SRGAP2C: variants seen among roughly 807,000 people sequenced by gnomAD.
SRGAP2C encodes the protein SLIT-ROBO Rho GTPase activating protein 2C.
In SRGAP2C, 15 loss-of-function variants were observed where a neutral mutation model predicts 25.1. The observed-to-expected ratio is 0.60, with a 90% confidence interval of 0.40 to 0.92. SRGAP2C has a LOEUF of 0.92. Ranked by LOEUF, SRGAP2C falls within the 40% of genes least tolerant of loss-of-function variation. The probability of loss-of-function intolerance (pLI) is 0.00; values close to 1 mark genes in which losing one functional copy is unlikely to be tolerated. For synonymous variants in SRGAP2C, 44 were observed against 96.6 expected (o/e 0.46, Z 3.19); for missense variants, 144 against 264.4 (o/e 0.54, Z 3.16).
In SRGAP2C at chr1:121,388,002, A is replaced by G; in HGVS notation, c.*147A>G. ...CTACACTTAAAGGTGCAAACATTAA[A>G]AGTTGTATATGTCTAACAGGGATCC... On this transcript the variant is annotated 3_prime_UTR_variant, in exon 10 of 10. Coordinates refer to ENST00000367123, the MANE Select transcript of SRGAP2C (RefSeq NM_001329984.2). 1.6e-6 allele frequency: 1 copy of G among 630,010 alleles called. No homozygotes were observed. Among genetic ancestry groups the G allele is most frequent in the South Asian group, 2.0e-5 (1 of 50,680 alleles). 39.0% of individuals were successfully genotyped at this position (630,010 alleles called of 1,614,324 possible). A position where few individuals can be genotyped will look rare whatever the true frequency, so the allele number is the denominator to read the frequency against.
intron 2 of SRGAP2C, among the ~76,000 whole-genome samples, chr1:121,263,374 T>C (rs1192381373): frequency 1.3e-4 from 17 of 128,830 alleles, no homozygotes; most frequent in Non-Finnish European, 2.4e-4. Context: ...GTGCTTGCGG[T>C]GAGCAGAGAT....
chr1:121,310,836 T>C (rs1344657414), intron 3 of SRGAP2C, among the ~76,000 whole-genome samples: 1 of 83,102 alleles, frequency 1.2e-5, no homozygotes, highest in Non-Finnish European at 2.6e-5. Context: ...CCTTGTAGTA[T>C]AGTTTGAAGT....
At chr1:121,258,013 T>G (rs1290002332) in intron 2 of SRGAP2C, among the ~76,000 whole-genome samples, 8 of 148,406 alleles carry the variant, frequency 5.4e-5, no homozygotes, top group Non-Finnish European at 1.0e-4. Flanking sequence ...GAAGGTGGAG[T>G]GAAGAAAATT....
chr1:121,295,361 C>G (rs1343866550), intron 3 of SRGAP2C, among the ~76,000 whole-genome samples: 1 of 151,478 alleles, frequency 6.6e-6, no homozygotes, highest in Non-Finnish European at 1.5e-5. Context: ...TGGTAGTTTG[C>G]TAAATGACAA....
At chr1:121,375,824 C>G (rs2101666465) in intron 7 of SRGAP2C, among the ~76,000 whole-genome samples, 1 of 151,860 alleles carries the variant, frequency 6.6e-6, no homozygotes, top group East Asian at 2.0e-4. Context: ...TAAGGAAGCT[C>G]AAGGTCCAGA....
At chr1:121,199,032 T>C (rs1553321243) in intron 2 of SRGAP2C, among the ~76,000 whole-genome samples, 1 of 152,216 alleles carries the variant, frequency 6.6e-6, no homozygotes. Flanking sequence ...ATAATGATGA[T>C]GATGATGGTT....
At chr1:121,359,292 A>ATT (rs1659129526) in intron 4 of SRGAP2C, among the ~76,000 whole-genome samples, 1 of 107,618 alleles carries the variant, frequency 9.3e-6, no homozygotes, top group South Asian at 3.8e-4. Flanking sequence ...AAACCTGTGT[A>ATT]TAATGACTCA....
chr1:121,347,451 ATTTCTCAACTCCTCCAGAATATTTAGGG>A (rs1658775866), intron 4 of SRGAP2C, among the ~76,000 whole-genome samples: 1 of 141,680 alleles, frequency 7.1e-6, no homozygotes, highest in African/African-American at 2.7e-5. Flanking sequence ...CTAAGAAAAT[ATTTCTCAACTCCTCCAGAATATTTAGGG>A]TTAACTAAAA....
At chr1:121,238,463 A>G (rs1303595125) in intron 2 of SRGAP2C, among the ~76,000 whole-genome samples, 193 of 152,166 alleles carry the variant, frequency 1.3e-3, no homozygotes, top group Non-Finnish European at 1.7e-3. Flanking sequence ...CTTACCACTT[A>G]GAGCTCACAG....
At chr1:121,325,294 C>T (rs1658296580) in intron 4 of SRGAP2C, among the ~76,000 whole-genome samples, 1 of 151,858 alleles carries the variant, frequency 6.6e-6, no homozygotes, top group East Asian at 1.9e-4. Flanking sequence ...TATCGTACTT[C>T]CTTGGGTATA....
intron 2 of SRGAP2C, among the ~76,000 whole-genome samples, chr1:121,253,667 G>A (rs1472964005): frequency 1.3e-5 from 2 of 150,276 alleles, no homozygotes; most frequent in Non-Finnish European, 3.0e-5. Context: ...GCTTGGCAGT[G>A]ACCAGCAGCT....
At chr1:121,295,290 A>C (rs1657571448) in intron 3 of SRGAP2C, among the ~76,000 whole-genome samples, 1 of 151,144 alleles carries the variant, frequency 6.6e-6, no homozygotes. Flanking sequence ...TATACAATAG[A>C]CACTGGAAAC....
At chr1:121,367,063 A>G (rs1659345967) in intron 5 of SRGAP2C, among the ~76,000 whole-genome samples, 3 of 151,162 alleles carry the variant, frequency 2.0e-5, no homozygotes, top group South Asian at 4.2e-4. Context: ...AGACAGCCCA[A>G]TATTGGCCAA....
In SRGAP2C at chr1:121,369,434, G is replaced by GA. The variant is rs1273338694; in HGVS notation, c.486+4085dup. Among the ~76,000 whole-genome samples the GA allele has an allele frequency of 2.2e-4, 32 of 146,190 alleles. 1 individual carries two copies. The highest frequency in any genetic ancestry group is 1.4e-4 in the Non-Finnish European group (9 of 66,486). ...AGAGTCAAGGAAGCTCTAGAATTGAGAAAAAAGAGGCTTTGGGACACTTTG... is the reference window on the plus strand; with the variant it reads ...AGAGTCAAGGAAGCTCTAGAATTGAGAAAAAAAGAGGCTTTGGGACACTTTG... On this transcript the variant is annotated intron_variant, in intron 5 of 9. Transcript: ENST00000367123.
At chr1:121,294,569 C>CT (rs1434532463) in intron 3 of SRGAP2C, among the ~76,000 whole-genome samples, 1 of 88,272 alleles carries the variant, frequency 1.1e-5, no homozygotes, top group Non-Finnish European at 2.4e-5. Flanking sequence ...CAGCAGGACT[C>CT]TAATTGATAA....
chr1:121,216,097 A>G (rs1387348701), intron 2 of SRGAP2C, among the ~76,000 whole-genome samples: 19 of 152,280 alleles, frequency 1.2e-4, no homozygotes, highest in African/African-American at 4.6e-4. Context: ...TCTACCAGCA[A>G]AGCTGGGTAC....
chr1:121,370,528 A>G (rs1378695105), intron 5 of SRGAP2C, among the ~76,000 whole-genome samples: 2 of 119,420 alleles, frequency 1.7e-5, no homozygotes, highest in South Asian at 2.7e-4. Flanking sequence ...TGCAAGCTCC[A>G]CCTCCCAGGT....
At chr1:121,258,825 GA>G (rs1345326076) in intron 2 of SRGAP2C, among the ~76,000 whole-genome samples, 1 of 97,450 alleles carries the variant, frequency 1.0e-5, no homozygotes, top group East Asian at 2.5e-4. Context: ...GCTCTATAAG[GA>G]AGTCTATATT....
At chr1:121,253,976 G>C (rs1368709788) in intron 2 of SRGAP2C, among the ~76,000 whole-genome samples, 1 of 151,700 alleles carries the variant, frequency 6.6e-6, no homozygotes. Context: ...GCAGTGGCAC[G>C]ATCTCGGCTC....
Sources: allele counts gnomAD v4.1 joint callset (sites outside exome capture counted in the v4.1 genomes callset), GRCh38; gene constraint gnomAD v4.1.1; transcripts MANE v1.5; gene names NCBI Gene and HGNC (gene_info 2026-07-23, HGNC 2026-07-21).